DAB1: variants seen among roughly 807,000 people sequenced by gnomAD.
DAB1 encodes the protein DAB adaptor protein 1.
DAB1 carries 15 observed loss-of-function variants against 64.6 expected under a neutral mutation model. The ratio of observed to expected loss-of-function variants is 0.23; its 90% CI spans 0.16 to 0.36. The LOEUF (loss-of-function observed/expected upper bound fraction) is 0.36, where lower values mean the gene tolerates loss of function less well. DAB1 is among the 10% of genes least tolerant of loss of function. The probability of loss-of-function intolerance (pLI) is 1.00; values close to 1 mark genes in which losing one functional copy is unlikely to be tolerated. For missense variants in DAB1, 596 were observed against 706.7 expected (o/e 0.84, Z 1.78); for synonymous variants, 235 against 251.9 (o/e 0.93, Z 0.64).
chr1:58,296,173 A>AG (rs775364317), intron 4 of DAB1, among the ~76,000 whole-genome samples: 3,413 of 128,482 alleles, frequency 0.027, 93 homozygotes, highest in Middle Eastern at 0.071. Flanking sequence ...AAAGAAAGAA[A>AG]AAAGAAAGAA....
chr1:58,346,372 A>G (rs896392953), intron 3 of DAB1, among the ~76,000 whole-genome samples: 6 of 152,150 alleles, frequency 3.9e-5, no homozygotes, highest in African/African-American at 1.2e-4. Flanking sequence ...GGTGCTCGTT[A>G]TTTCATAATA....
At chr1:58,487,671 C>A (rs1292719890) in intron 3 of DAB1, among the ~76,000 whole-genome samples, 1 of 152,046 alleles carries the variant, frequency 6.6e-6, no homozygotes, top group African/African-American at 2.4e-5. Context: ...TTTATTTATA[C>A]CTTACTTCTT....
At chr1:58,511,930 A>G (rs1053860583) in intron 2 of DAB1, among the ~76,000 whole-genome samples, 1 of 152,186 alleles carries the variant, frequency 6.6e-6, no homozygotes, top group African/African-American at 2.4e-5. Context: ...TGGAACTACC[A>G]AAAAGCTCTG....
At chr1:57,196,185 TTAAA>T (rs1249990077) in intron 2 of DAB1, among the ~76,000 whole-genome samples, 2 of 152,310 alleles carry the variant, frequency 1.3e-5, no homozygotes, top group East Asian at 3.9e-4. Flanking sequence ...AATGTAGACT[TTAAA>T]TATGTACAAT....
intron 6 of DAB1, among the ~76,000 whole-genome samples, chr1:57,782,854 T>G (rs1650163386): frequency 6.6e-6 from 1 of 152,136 alleles, no homozygotes; most frequent in Non-Finnish European, 1.5e-5. Context: ...TATTTTCGTT[T>G]GAAGCTTGAA....
intron 2 of DAB1, among the ~76,000 whole-genome samples, chr1:57,254,704 A>C (rs1669625363): frequency 6.6e-6 from 1 of 152,196 alleles, no homozygotes; most frequent in Non-Finnish European, 1.5e-5. Flanking sequence ...CTAAGCAATG[A>C]ATATTAATTG....
chr1:58,048,457 A>G, intron 5 of DAB1: 1 of 1,121,766 alleles, frequency 8.9e-7, no homozygotes, highest in Non-Finnish European at 1.4e-6. Flanking sequence ...CGCCATAGCC[A>G]CTGCCCTGGT....
At chr1:58,441,160 T>C (rs773381320) in intron 3 of DAB1, among the ~76,000 whole-genome samples, 8 of 152,204 alleles carry the variant, frequency 5.3e-5, no homozygotes, top group Admixed American at 6.5e-5. Context: ...GCAACAAAGA[T>C]GCAGGTGCTG....
chr1:57,469,456 C>CG (rs1687066729), intron 7 of DAB1, among the ~76,000 whole-genome samples: 1 of 152,142 alleles, frequency 6.6e-6, no homozygotes, highest in South Asian at 2.1e-4. Context: ...CTCCTTCCCT[C>CG]CCTCATCACT....
At chr1:57,892,831 C>A (rs189848923) in intron 5 of DAB1, among the ~76,000 whole-genome samples, 1 of 152,204 alleles carries the variant, frequency 6.6e-6, no homozygotes, top group East Asian at 1.9e-4. Flanking sequence ...AGATATAAAT[C>A]ATGTATTTCC....
chr1:57,970,292 T>C lies in DAB1; in HGVS notation n.388-86130A>G, dbSNP rs184481334. ...AAGAAAAATGGATCTCACCTAGAGG[T>C]GAGAGAGCTTGGCTTCAGGAGCAGC... On this transcript the variant is annotated intron_variant and non_coding_transcript_variant, in intron 5 of 20. Coordinates refer to the DAB1 transcript ENST00000485760. 1.7e-4 allele frequency among the ~76,000 whole-genome samples: 26 copies of C among 151,986 alleles called. 1 individual carries two copies. Among genetic ancestry groups the C allele is most frequent in the Admixed American group, 1.7e-3 (26 of 15,254 alleles).
chr1:58,445,639 G>A (rs1645056832), intron 3 of DAB1, among the ~76,000 whole-genome samples: 2 of 152,238 alleles, frequency 1.3e-5, no homozygotes, highest in Admixed American at 6.5e-5. Context: ...AAACCTGGAT[G>A]TGTGGCGAGA....
At position 57,190,375 on chromosome 1, in the gene DAB1, C is replaced by T. The variant is rs182491044; in HGVS notation, c.68-44946G>A. ...GGTCTCATTCAATCCTCCTAATAAA[C>T]GTGAAAGCAGGCTTTATAAACCCTA... On this transcript the variant is annotated intron_variant, in intron 2 of 14. Transcript: ENST00000371236. Among the ~76,000 whole-genome samples, 31 of 152,220 alleles carry T rather than the reference C, an allele frequency of 2.0e-4. No homozygotes were observed. The Middle Eastern group carries it at 0.01, about 50-fold the overall frequency.
At chr1:58,317,105 T>C (rs1402471997) in intron 4 of DAB1, among the ~76,000 whole-genome samples, 1 of 152,228 alleles carries the variant, frequency 6.6e-6, no homozygotes, top group Non-Finnish European at 1.5e-5. Flanking sequence ...ACAGTACTCT[T>C]CCATCTGTTC....
At chr1:57,666,979 T>C (rs1417262593) in intron 6 of DAB1, among the ~76,000 whole-genome samples, 2 of 152,088 alleles carry the variant, frequency 1.3e-5, no homozygotes, top group Admixed American at 1.3e-4. Flanking sequence ...TGATCCAGTT[T>C]CTGGCTACCT....
chr1:57,881,786 A>C (rs1464921637), intron 1 of DAB1, among the ~76,000 whole-genome samples: 1 of 152,170 alleles, frequency 6.6e-6, no homozygotes, highest in Non-Finnish European at 1.5e-5. Flanking sequence ...TCTCCATTGC[A>C]ATATCACATT....
At chr1:58,364,603 C>T (rs1193842253) in intron 3 of DAB1, among the ~76,000 whole-genome samples, 4 of 152,144 alleles carry the variant, frequency 2.6e-5, no homozygotes, top group East Asian at 1.9e-4. Context: ...CAGTTACTCC[C>T]GAATATTCTG....
intron 3 of DAB1, among the ~76,000 whole-genome samples, chr1:58,394,534 T>C (rs908940520): frequency 6.6e-6 from 1 of 152,216 alleles, no homozygotes. Context: ...GATGGTCTTT[T>C]AATTAAATGG....
rs554822730 is a variant in DAB1 at position 57,641,790 on chromosome 1, G to A, written n.625+7802C>T. ...TGCTATTCAAATCTTTTCCTTTGCA[G>A]TCTCATTATCTATCCTCTCATCCTG... is the stretch of plus-strand genomic sequence containing the variant. On this transcript the variant is annotated intron_variant and non_coding_transcript_variant, in intron 7 of 20. Coordinates refer to the DAB1 transcript ENST00000485760. Among the ~76,000 whole-genome samples the A allele has an allele frequency of 2.9e-3, 447 of 151,972 alleles. 1 individual carries two copies. The highest frequency in any genetic ancestry group is 9.6e-3 in the African/African-American group (396 of 41,438).
Sources: allele counts gnomAD v4.1 joint callset (sites outside exome capture counted in the v4.1 genomes callset), GRCh38; gene constraint gnomAD v4.1.1; transcripts MANE v1.5; gene names NCBI Gene and HGNC (gene_info 2026-07-23, HGNC 2026-07-21).